MDN1: variants seen among roughly 807,000 people sequenced by gnomAD.
MDN1 encodes the protein midasin AAA ATPase 1, also known as midasin.
MDN1 carries 266 observed loss-of-function variants against 669.2 expected under a neutral mutation model. The ratio of observed to expected loss-of-function variants is 0.40; its 90% confidence interval spans 0.36 to 0.44. MDN1 has a LOEUF of 0.44. MDN1 is among the 20% of genes least tolerant of loss of function. The pLI is 1.00. For missense variants in MDN1, 5,940 were observed against 6,754.0 expected, an observed-to-expected ratio of 0.88 and a Z score of 4.22; for synonymous variants, 2,385 against 2,457.1, an observed-to-expected ratio of 0.97 and a Z score of 0.87.
chr6:89,656,053 C>A, intron 91 of MDN1, 85 bp from the exon 92 acceptor site: 1 of 1,207,692 alleles, frequency 8.3e-7, no homozygotes, highest in Non-Finnish European at 1.2e-6. Flanking sequence ...CTATAGGGGA[C>A]AGGATAAGTA....
intron 73 of MDN1, 96 bp downstream of exon 73, chr6:89,683,036 T>C: frequency 8.0e-7 from 1 of 1,250,522 alleles, no homozygotes; most frequent in South Asian, 1.4e-5. Flanking sequence ...TTCAAAGGCA[T>C]TTTCTTGTCT....
In MDN1 at chr6:89,789,924, G is replaced by A. The variant is rs184950282; in HGVS notation, c.1099-13C>T. On this transcript the variant is annotated splice_polypyrimidine_tract_variant and intron_variant, in intron 6 of 101. Transcript: ENST00000369393. ...TCCCCAAAAGCATCTGCAGAAAGAAGATAAAGTAATTACTGAAAAACCATA... is the reference window on the plus strand; with the variant it reads ...TCCCCAAAAGCATCTGCAGAAAGAAAATAAAGTAATTACTGAAAAACCATA... 277 of 1,605,720 alleles carry A rather than the reference G, an allele frequency of 1.7e-4. No individual in the cohort carries two copies. The African/African-American group carries it at 3.3e-3, about 19-fold the overall frequency.
Position 89,675,493 on chromosome 6 carries a change from G to A in MDN1, c.12732C>T (p.Thr4244=), listed in dbSNP as rs1414360259. ...GGATGATCCACTGCTCACTGAGCGTGGTCAGGGAGCGCCGCTGTCGGACGA... is the reference window on the plus strand; with the variant it reads ...GGATGATCCACTGCTCACTGAGCGTAGTCAGGGAGCGCCGCTGTCGGACGA... ...KMLVRQRRSL[T]TLSEQWIILR... The change falls in exon 78 of 102, where the codon ACC becomes ACT. Residue 4244 remains threonine, a synonymous_variant. Coordinates refer to ENST00000369393, the MANE Select transcript of MDN1 (RefSeq NM_014611.3). 1 of 1,613,552 alleles carries A rather than the reference G, an allele frequency of 6.2e-7. No homozygotes were observed. Among genetic ancestry groups the A allele is most frequent in the Non-Finnish European group, 8.5e-7 (1 of 1,180,018 alleles).
Position 89,662,893 on chromosome 6 carries a change from C to G in MDN1, c.14311G>C (p.Ala4771Pro). ...KHMGDLNGEE[A>P]DKLDERLWGD... ...CAAAGCCTCTCATCTAGTTTGTCAG[C>G]TTCCTCACCATTGAGATCGCCCATG... The change falls in exon 86 of 102, where the codon GCT becomes CCT. Residue 4771 changes from alanine to proline, a missense_variant. By Grantham distance (27) the Ala-to-Pro change is conservative (BLOSUM62 -1). Coordinates refer to ENST00000369393, the MANE Select transcript of MDN1 (RefSeq NM_014611.3). 1 of 1,614,088 alleles carries G rather than the reference C, an allele frequency of 6.2e-7. No homozygotes were observed. The highest frequency in any genetic ancestry group is 8.5e-7 in the Non-Finnish European group (1 of 1,180,000).
rs1406158080 is a variant in MDN1 at position 89,644,094 on chromosome 6, T to C, written c.16702A>G (p.Ile5568Val). The C allele has an allele frequency of 1.2e-6, 2 of 1,613,980 alleles. No homozygotes were observed. The highest frequency in any genetic ancestry group is 1.3e-5 in the African/African-American group (1 of 74,892). Residue 5568 changes from isoleucine to valine, a missense_variant, in exon 102 of 102, where the codon ATT (isoleucine) becomes GTT (valine). Physicochemically the swap from Ile to Val is conservative, Grantham distance 29. Transcript: ENST00000369393. ...GGAAGTGCGTTTACATCTCGAAGAA[T>C]GATATAGTATGGGAATGGGAACTCT... ...MEEFPFPYYI[I>V]LRDVNALPET...
rs1017595986 is a variant in MDN1, at chr6:89,756,394, T to C, written c.2703-4A>G. On this transcript the variant is annotated splice_polypyrimidine_tract_variant and splice_region_variant and intron_variant, in intron 19 of 101. Coordinates refer to ENST00000369393, the MANE Select transcript of MDN1 (RefSeq NM_014611.3). ...TTCTACATAAAGTTCTGTGAACCTG[T>C]AAAACAATACATAATAAACACTTTT... The C allele has an allele frequency of 7.2e-7, 1 of 1,391,518 alleles. No homozygotes were observed. Among genetic ancestry groups the C allele is most frequent in the South Asian group, 1.2e-5 (1 of 80,728 alleles). The allele number at this position is 1,391,518 out of a possible 1,614,324, so 86.2% of individuals were successfully genotyped here.
intron 2 of MDN1, among the ~76,000 whole-genome samples, chr6:89,797,441 G>C (rs1016345128): frequency 4.0e-5 from 6 of 151,856 alleles, no homozygotes; most frequent in African/African-American, 1.5e-4. Flanking sequence ...GGACTGTAGC[G>C]GGTTCTGTTC....
chr6:89,800,549 C>CT (rs1312829645), intron 2 of MDN1, among the ~76,000 whole-genome samples: 3 of 152,158 alleles, frequency 2.0e-5, no homozygotes, highest in African/African-American at 7.2e-5. Flanking sequence ...TACTGTCCCC[C>CT]TCCCCCATAC....
chr6:89,684,365 C>T (rs1308984095), intron 71 of MDN1, among the ~76,000 whole-genome samples: 2 of 136,942 alleles, frequency 1.5e-5, no homozygotes, highest in Non-Finnish European at 3.2e-5. Flanking sequence ...ACAAAAACAA[C>T]AAATGTTTTG....
intron 14 of MDN1, among the ~76,000 whole-genome samples, chr6:89,772,154 A>G (rs1376919867): frequency 6.6e-6 from 1 of 152,142 alleles, no homozygotes; most frequent in African/African-American, 2.4e-5. Context: ...AGTCTCAGCT[A>G]TCTTCCTACC....
intron 15 of MDN1, among the ~76,000 whole-genome samples, chr6:89,764,772 C>T (rs940966165): frequency 1.3e-5 from 2 of 152,116 alleles, no homozygotes; most frequent in African/African-American, 4.8e-5. Flanking sequence ...TGGAGCTCAG[C>T]AACACAGGGG....
chr6:89,751,387 A>C, intron 23 of MDN1, 44 bp downstream of exon 23: 1 of 1,611,402 alleles, frequency 6.2e-7, no homozygotes, highest in Admixed American at 1.7e-5. Flanking sequence ...ATCAATGCCT[A>C]TGCCTGTATC....
rs1312951392 is a variant in MDN1 at position 89,712,219 on chromosome 6, T to C, written c.7468A>G (p.Met2490Val). 2 of 1,614,106 alleles carry C rather than the reference T, an allele frequency of 1.2e-6. No individual in the cohort carries two copies. Among genetic ancestry groups the C allele is most frequent in the East Asian group, 2.2e-5 (1 of 44,870 alleles). ...AGGTTCTCAGGGCTGGGGGACTGCA[T>C]AATTTTCTCTAAGTCTTGCAAGGTA... ...PFTLQDLEKI[M>V]QSPSPENLKF... The change falls in exon 49 of 102, where the codon ATG (methionine) becomes GTG (valine). Residue 2490 changes from methionine (M) to valine (V), a missense_variant. Met to Val is a conservative substitution (Grantham distance 21). Around this residue, in one of 5 missense-constraint regions of MDN1, gnomAD observed 2,292 missense variants for 2,638.3 expected, o/e 0.87. Coordinates refer to ENST00000369393, the MANE Select transcript of MDN1 (RefSeq NM_014611.3).
chr6:89,705,593 A>G (rs1813461248), intron 53 of MDN1, among the ~76,000 whole-genome samples: 1 of 152,258 alleles, frequency 6.6e-6, no homozygotes, highest in South Asian at 2.1e-4. Flanking sequence ...ACATGAAACC[A>G]CATGGATGCA....
intron 1 of MDN1, among the ~76,000 whole-genome samples, chr6:89,816,996 G>C (rs1421064513): frequency 6.6e-6 from 1 of 152,000 alleles, no homozygotes; most frequent in Non-Finnish European, 1.5e-5. Context: ...TCTTAACCTA[G>C]ACACTCCATT....
chr6:89,729,677 G>GTTTTTTTTTTTTT (rs35914010), intron 35 of MDN1, among the ~76,000 whole-genome samples: 23 of 100,760 alleles, frequency 2.3e-4, no homozygotes, highest in South Asian at 3.7e-4. Context: ...TTTTGTTTTC[G>GTTTTTTTTTTTTT]TTTTTTTTTT....
At chr6:89,767,157 C>T (rs987026211) in intron 15 of MDN1, among the ~76,000 whole-genome samples, 1 of 152,116 alleles carries the variant, frequency 6.6e-6, no homozygotes, top group Non-Finnish European at 1.5e-5. Flanking sequence ...CTTTGGCTGT[C>T]CCCACCCGCA....
At position 89,728,393 on chromosome 6, in the gene MDN1, C is replaced by G. The variant is rs1815368187; in HGVS notation, c.5350-438G>C. Among the ~76,000 whole-genome samples the G allele has an allele frequency of 7.2e-5, 11 of 151,814 alleles. No individual in the cohort carries two copies. In the South Asian group the frequency reaches 2.3e-3, roughly 32 times the overall value. On this transcript the variant is annotated intron_variant, in intron 36 of 101. Coordinates refer to ENST00000369393, the MANE Select transcript of MDN1 (RefSeq NM_014611.3). ...ACTGGGGTTATATTACAATAAATAC[C>G]AAAGTGGATAATTCTCTCTCGAAAG...
chr6:89,770,075 G>A (rs927675100), intron 15 of MDN1, among the ~76,000 whole-genome samples: 1 of 151,518 alleles, frequency 6.6e-6, no homozygotes, highest in Admixed American at 6.6e-5. Flanking sequence ...TCCAGCCTTG[G>A]TGACAGAACG....
Sources: allele counts gnomAD v4.1 joint callset (sites outside exome capture counted in the v4.1 genomes callset), GRCh38; gene constraint gnomAD v4.1.1; regional missense constraint gnomAD v4.1.1; transcripts MANE v1.5; gene names NCBI Gene and HGNC (gene_info 2026-07-23, HGNC 2026-07-21).